Variants in RASA2 observed in about 807,000 individuals in gnomAD.
RASA2 encodes RAS p21 protein activator 2.
Under a neutral mutation model 118.2 loss-of-function variants are expected in RASA2, and 155 were observed. The ratio of observed to expected loss-of-function variants is 1.31; its 90% confidence interval spans 1.15 to 1.50. The LOEUF (loss-of-function observed/expected upper bound fraction) is 1.50. Ranked by LOEUF, RASA2 falls within the 40% of genes most tolerant of loss-of-function variation. The pLI is 0.00. For synonymous variants in RASA2, 353 were observed against 349.1 expected, an observed-to-expected ratio of 1.01 and a Z score of -0.12; for missense variants, 1,016 against 1,009.6, an observed-to-expected ratio of 1.01 and a Z score of -0.09.
intron 3 of RASA2, chr3:141,525,266 A>G (rs1429194815): frequency 1.3e-5 from 2 of 152,004 alleles, no homozygotes; most frequent in Non-Finnish European, 1.5e-5. Context: ...CAGTGAGGAA[A>G]TGAAGTACTA....
intron 9 of RASA2, among the ~76,000 whole-genome samples, chr3:141,569,566 A>G (rs1169089698): frequency 6.6e-6 from 1 of 152,184 alleles, no homozygotes; most frequent in Non-Finnish European, 1.5e-5. Context: ...ATCCCCCCAA[A>G]AAGGAAATAT....
intron 1 of RASA2, among the ~76,000 whole-genome samples, chr3:141,499,838 C>T (rs923637910): frequency 2.0e-5 from 3 of 152,138 alleles, no homozygotes; most frequent in African/African-American, 7.2e-5. Flanking sequence ...ACCCGCCCAC[C>T]TCGGCCTCCC....
chr3:141,580,082 AAAAATATATATATATATAT>A (rs2083082255), intron 15 of RASA2, among the ~76,000 whole-genome samples: 1 of 101,412 alleles, frequency 9.9e-6, no homozygotes, highest in Non-Finnish European at 1.9e-5. Flanking sequence ...AAAAAAAAAA[AAAAATATATATATATATAT>A]ATATATATAT....
intron 5 of RASA2, among the ~76,000 whole-genome samples, chr3:141,553,027 T>C (rs929235266): frequency 1.3e-5 from 2 of 152,196 alleles, no homozygotes; most frequent in African/African-American, 4.8e-5. Context: ...CTGTGAGCCA[T>C]GGAGTAGATT....
intron 15 of RASA2, chr3:141,579,508 T>C (rs1014012607): frequency 1.3e-5 from 2 of 152,176 alleles, no homozygotes; most frequent in African/African-American, 4.8e-5. Context: ...CAAAAATAAC[T>C]AGGTGACTTC....
chr3:141,580,584 A>ACAC lies in RASA2; in HGVS notation c.1674+133_1674+134insCAC. The ACAC allele has an allele frequency of 1.5e-5, 9 of 601,964 alleles. No homozygotes were observed. The South Asian group carries it at 2.1e-4, about 14-fold the overall frequency. 37.3% of individuals were successfully genotyped at this position (601,964 alleles called of 1,614,324 possible). On this transcript the variant is annotated intron_variant, in intron 16 of 23. Transcript: ENST00000286364. ...CACACACACACACACACACAGACAC[A>ACAC]ATAGCTGTCTTTTAAGTAGATACTC...
chr3:141,570,074 C>G (rs1239236909), intron 9 of RASA2, among the ~76,000 whole-genome samples: 2 of 149,714 alleles, frequency 1.3e-5, no homozygotes, highest in Non-Finnish European at 1.5e-5. Context: ...TTTTAAATTC[C>G]CATGATAAAA....
intron 1 of RASA2, among the ~76,000 whole-genome samples, chr3:141,491,823 T>A (rs2081642592): frequency 6.6e-6 from 1 of 152,238 alleles, no homozygotes; most frequent in East Asian, 1.9e-4. Context: ...GAAAATCTCA[T>A]ATTCATACTT....
chr3:141,513,648 A>G (rs1303191052), intron 2 of RASA2, among the ~76,000 whole-genome samples: 1 of 152,238 alleles, frequency 6.6e-6, no homozygotes, highest in Non-Finnish European at 1.5e-5. Flanking sequence ...TTAAAAGTTT[A>G]GTTTGGTTAC....
intron 1 of RASA2, among the ~76,000 whole-genome samples, chr3:141,504,321 G>A (rs527677280): frequency 3.6e-4 from 54 of 151,990 alleles, no homozygotes; most frequent in Non-Finnish European, 7.2e-4. Context: ...CTCTATCTAG[G>A]ACCCTTTGTC....
At chr3:141,561,230 A>T (rs927264855) in intron 9 of RASA2, among the ~76,000 whole-genome samples, 3 of 152,182 alleles carry the variant, frequency 2.0e-5, no homozygotes, top group Non-Finnish European at 2.9e-5. Flanking sequence ...TCAAGTTTTT[A>T]AAATTATGTG....
chr3:141,516,216 T>TA (rs1359096863), intron 2 of RASA2, 112 bp from the exon 3 acceptor site: 2 of 706,624 alleles, frequency 2.8e-6, no homozygotes, highest in Non-Finnish European at 3.7e-6. Context: ...ATATATATAT[T>TA]AAAAAAAGAA....
At chr3:141,550,880 T>C (rs1577721556) in intron 5 of RASA2, among the ~76,000 whole-genome samples, 1 of 152,186 alleles carries the variant, frequency 6.6e-6, no homozygotes, top group African/African-American at 2.4e-5. Flanking sequence ...CTGATTCTCA[T>C]GTCTATCCAA....
intron 1 of RASA2, among the ~76,000 whole-genome samples, chr3:141,510,150 T>A (rs1470098685): frequency 1.3e-5 from 2 of 152,204 alleles, no homozygotes; most frequent in Non-Finnish European, 2.9e-5. Context: ...AGAAAGATAC[T>A]TGAGTTTATC....
At chr3:141,572,397 T>A (rs2151130720) in intron 11 of RASA2, among the ~76,000 whole-genome samples, 1 of 152,264 alleles carries the variant, frequency 6.6e-6, no homozygotes, top group Non-Finnish European at 1.5e-5. Flanking sequence ...TGGCCATTAT[T>A]TTAATATATT....
chr3:141,526,789 T>A (rs1298028233), intron 3 of RASA2, among the ~76,000 whole-genome samples: 1 of 152,184 alleles, frequency 6.6e-6, no homozygotes, highest in African/African-American at 2.4e-5. Flanking sequence ...CACAAATGAC[T>A]TGTTTATGCA....
intron 4 of RASA2, 97 bp downstream of exon 4, chr3:141,529,899 C>T (rs62282007): frequency 0.015 from 13,631 of 895,578 alleles, 162 homozygotes; most frequent in South Asian, 0.02. Context: ...GCATATTATA[C>T]CTTATTTTAA....
intron 19 of RASA2, among the ~76,000 whole-genome samples, chr3:141,607,411 A>C (rs931037612): frequency 1.3e-5 from 2 of 152,150 alleles, no homozygotes; most frequent in Non-Finnish European, 2.9e-5. Flanking sequence ...TACGTTCTAC[A>C]CAGAGATCAA....
intron 1 of RASA2, among the ~76,000 whole-genome samples, chr3:141,498,645 C>CT (rs1180219085): frequency 2.0e-5 from 3 of 151,752 alleles, no homozygotes; most frequent in Admixed American, 6.6e-5. Context: ...GTCTAGGTGT[C>CT]TTTTTTTTGT....
Sources: gnomAD v4.1 joint callset for allele counts (sites outside exome capture counted in the v4.1 genomes callset) on GRCh38, gnomAD v4.1.1 for gene constraint, MANE v1.5 for transcripts, NCBI Gene and HGNC (gene_info 2026-07-23, HGNC 2026-07-21) for gene names.